Variants in LARGE1 observed in about 807,000 individuals in gnomAD.
The protein encoded by LARGE1 is xylosyl- and glucuronyltransferase LARGE1.
Under a neutral mutation model 87.6 loss-of-function variants are expected in LARGE1, and 43 were observed. The observed-to-expected ratio is 0.49, with a 90% CI of 0.38 to 0.63. LARGE1 has a LOEUF of 0.63. LARGE1 is among the 30% of genes least tolerant of loss of function. The pLI, the probability that LARGE1 is intolerant of heterozygous loss-of-function variation, is 0.00. For synonymous variants in LARGE1, 434 were observed against 394.6 expected (o/e 1.10, Z -1.18); for missense variants, 802 against 1,000.2 (o/e 0.80, Z 2.67).
At chr22:33,596,610 A>G (rs1268204976) in intron 5 of LARGE1, among the ~76,000 whole-genome samples, 1 of 152,222 alleles carries the variant, frequency 6.6e-6, no homozygotes, top group Non-Finnish European at 1.5e-5. Context: ...TCCATCAACT[A>G]TTCTAGAAAA....
chr22:33,747,319 C>G (rs1277666202), intron 2 of LARGE1, among the ~76,000 whole-genome samples: 1 of 152,054 alleles, frequency 6.6e-6, no homozygotes. Flanking sequence ...CACCATGTTG[C>G]TTCTCCTCCT....
At position 33,834,458 on chromosome 22, in the gene LARGE1, A is replaced by G. The variant is rs537446340; in HGVS notation, c.-82-72900T>C. Among the ~76,000 whole-genome samples the G allele has an allele frequency of 2.6e-5, 4 of 152,194 alleles. No individual in the cohort carries two copies. The South Asian group carries it at 8.3e-4, about 32-fold the overall frequency. On this transcript the variant is annotated intron_variant, in intron 1 of 14. Coordinates refer to ENST00000397394, the MANE Select transcript of LARGE1 (RefSeq NM_133642.5). Reference sequence around the variant, plus strand: ...CTTCTCCTGGCTCATCCTGGCTCAAAAGCTCCCCCAGTGAGCACCTTGTGT... The same window carrying G: ...CTTCTCCTGGCTCATCCTGGCTCAAGAGCTCCCCCAGTGAGCACCTTGTGT...
At chr22:33,170,813 A>G (rs1922529458) in intron 11 of LARGE1, among the ~76,000 whole-genome samples, 3 of 152,210 alleles carry the variant, frequency 2.0e-5, no homozygotes, top group Admixed American at 2.0e-4. Flanking sequence ...ACTGCTATAA[A>G]GTGGGTACTG....
chr22:33,258,036 A>T (rs776175021), intron 11 of LARGE1, among the ~76,000 whole-genome samples: 3 of 151,650 alleles, frequency 2.0e-5, no homozygotes, highest in Non-Finnish European at 4.4e-5. Flanking sequence ...ATGTATATAT[A>T]TTTTTTTGAG....
intron 2 of LARGE1, among the ~76,000 whole-genome samples, chr22:33,660,500 G>A (rs1439383087): frequency 6.6e-6 from 1 of 152,188 alleles, no homozygotes; most frequent in African/African-American, 2.4e-5. Flanking sequence ...AGTCATCTTT[G>A]AAGAGCCTCT....
Position 33,604,647 on chromosome 22 carries a change from G to A in LARGE1, c.492-89C>T, listed in dbSNP as rs553062486. 1.4e-4 allele frequency: 219 copies of A among 1,516,416 alleles called. 1 individual carries two copies. Among genetic ancestry groups the A allele is most frequent in the East Asian group, 5.7e-4 (25 of 44,116 alleles). 93.9% of individuals were successfully genotyped at this position (1,516,416 alleles called of 1,614,324 possible). On this transcript the variant is annotated intron_variant, in intron 4 of 14. Transcript: ENST00000397394. ...AAAACACACTCTTCACAGTTCCTAC[G>A]GTGGGGCACGTTTCTAACGGCAATT... is the stretch of plus-strand genomic sequence containing the variant.
At chr22:33,636,733 T>A (rs1322572414) in intron 3 of LARGE1, among the ~76,000 whole-genome samples, 1 of 151,764 alleles carries the variant, frequency 6.6e-6, no homozygotes, top group Admixed American at 6.6e-5. Flanking sequence ...GGTCTCGCTA[T>A]GTTGCCCAGG....
chr22:33,838,789 C>G (rs148998960), intron 1 of LARGE1, among the ~76,000 whole-genome samples: 6 of 152,148 alleles, frequency 3.9e-5, no homozygotes, highest in East Asian at 3.8e-4. Context: ...CTCACTCCCC[C>G]AAAGGCTCCT....
At chr22:33,255,681 A>G (rs1452289775) in intron 11 of LARGE1, among the ~76,000 whole-genome samples, 3 of 152,010 alleles carry the variant, frequency 2.0e-5, no homozygotes, top group Non-Finnish European at 4.4e-5. Context: ...TCTTTATTTG[A>G]TTTTTTAAGT....
At chr22:33,485,611 G>A (rs1229476349) in intron 6 of LARGE1, among the ~76,000 whole-genome samples, 1 of 152,192 alleles carries the variant, frequency 6.6e-6, no homozygotes, top group African/African-American at 2.4e-5. Context: ...TAACATTTTA[G>A]TGAATATTCC....
intron 1 of LARGE1, among the ~76,000 whole-genome samples, chr22:33,829,892 TAAG>T (rs1190294237): frequency 6.6e-6 from 1 of 152,188 alleles, no homozygotes; most frequent in African/African-American, 2.4e-5. Flanking sequence ...CCAGTCATCC[TAAG>T]AAGAAACCAC....
At chr22:33,479,327 A>T (rs1315735869) in intron 6 of LARGE1, among the ~76,000 whole-genome samples, 1 of 152,184 alleles carries the variant, frequency 6.6e-6, no homozygotes, top group Non-Finnish European at 1.5e-5. Flanking sequence ...GCACCTGATG[A>T]GCATTCAGCA....
At chr22:33,410,826 G>A (rs937740166) in intron 7 of LARGE1, among the ~76,000 whole-genome samples, 6 of 152,114 alleles carry the variant, frequency 3.9e-5, no homozygotes, top group African/African-American at 1.4e-4. Flanking sequence ...GAACCTTGCT[G>A]AGCCTCCATC....
In LARGE1 at chr22:33,304,627, G is replaced by C. The variant is rs915572768; in HGVS notation, c.1452-120C>G. On this transcript the variant is annotated intron_variant, in intron 11 of 14. Coordinates refer to ENST00000397394, the MANE Select transcript of LARGE1 (RefSeq NM_133642.5). Reference sequence around the variant, plus strand: ...TCAACCAGCTGTGGATCAAATCCCTGCTTTCAACGTTGACTCACTCAGTTC... The same window carrying C: ...TCAACCAGCTGTGGATCAAATCCCTCCTTTCAACGTTGACTCACTCAGTTC... 3 of 1,064,704 alleles carry C rather than the reference G, an allele frequency of 2.8e-6. No individual in the cohort carries two copies. The African/African-American group carries it at 4.8e-5, about 17-fold the overall frequency. The allele number at this position is 1,064,704 out of a possible 1,614,324, so 66.0% of individuals were successfully genotyped here.
intron 1 of LARGE1, among the ~76,000 whole-genome samples, chr22:33,904,296 C>T (rs143852493): frequency 1.2e-3 from 178 of 152,280 alleles, no homozygotes; most frequent in African/African-American, 4.2e-3. Flanking sequence ...GCTGGGATTA[C>T]AGGCGTGTGC....
intron 1 of LARGE1, among the ~76,000 whole-genome samples, chr22:33,862,206 C>T (rs186509577): frequency 4.3e-4 from 65 of 152,240 alleles, no homozygotes; most frequent in Non-Finnish European, 7.9e-4. Context: ...TCCTCGAGAG[C>T]TCACGGCAAG....
exon 12 of LARGE1, chr22:33,166,774 T>C (rs969038391): frequency 2.1e-6 from 1 of 471,530 alleles, no homozygotes; most frequent in Non-Finnish European, 4.4e-6. Flanking sequence ...TATAGGCATG[T>C]GTTTGGAACT....
At chr22:33,580,093 G>A (rs900772630) in intron 5 of LARGE1, among the ~76,000 whole-genome samples, 2 of 151,470 alleles carry the variant, frequency 1.3e-5, no homozygotes, top group Admixed American at 6.6e-5. Context: ...CAAGGCGGCC[G>A]GGCGCAGTGG....
chr22:33,330,620 C>T (rs1937601220), intron 10 of LARGE1, among the ~76,000 whole-genome samples: 1 of 152,184 alleles, frequency 6.6e-6, no homozygotes, highest in South Asian at 2.1e-4. Flanking sequence ...ATGCTTACTG[C>T]ACTACATAAA....
Sources: gnomAD v4.1 joint callset for allele counts (sites outside exome capture counted in the v4.1 genomes callset) on GRCh38, gnomAD v4.1.1 for gene constraint, MANE v1.5 for transcripts, NCBI Gene and HGNC (gene_info 2026-07-23, HGNC 2026-07-21) for gene names.